Variants in BCAS3 observed in about 807,000 individuals in gnomAD.
BCAS3 encodes the protein BCAS4/BCAS3 fusion.
In BCAS3, 53 loss-of-function variants were observed where a neutral mutation model predicts 116.1. That is an observed-to-expected ratio of 0.46 (90% CI 0.37 to 0.57). The LOEUF (loss-of-function observed/expected upper bound fraction) is 0.57, where lower values mean the gene tolerates loss of function less well. Ranked by LOEUF, BCAS3 falls within the 20% of genes least tolerant of loss-of-function variation. The pLI, the probability that BCAS3 is intolerant of heterozygous loss-of-function variation, is 0.00. For missense variants in BCAS3, 917 were observed against 1,165.4 expected (o/e 0.79, Z 3.10); for synonymous variants, 391 against 408.2 (o/e 0.96, Z 0.51).
intron 14 of BCAS3, among the ~76,000 whole-genome samples, chr17:60,983,453 G>A (rs181185986): frequency 6.6e-6 from 1 of 152,008 alleles, no homozygotes; most frequent in East Asian, 1.9e-4. Context: ...GTTATTTAAA[G>A]GATTAAACTT....
intron 2 of BCAS3, among the ~76,000 whole-genome samples, chr17:60,680,777 A>C (rs1030343734): frequency 4.6e-5 from 7 of 151,922 alleles, no homozygotes; most frequent in African/African-American, 9.7e-5. Context: ...CCTCCCAAGT[A>C]GCTGGGATTA....
At chr17:61,201,500 A>G (rs1403461462) in intron 22 of BCAS3, among the ~76,000 whole-genome samples, 2 of 152,208 alleles carry the variant, frequency 1.3e-5, no homozygotes, top group East Asian at 3.8e-4. Flanking sequence ...AGTCATGTTC[A>G]TTTATTTTGG....
rs913382629 is a variant in BCAS3 at position 61,366,213 on chromosome 17, C to T, written c.2426-2114C>T. On this transcript the variant is annotated intron_variant, in intron 22 of 23. Coordinates refer to ENST00000407086, the MANE Select transcript of BCAS3 (RefSeq NM_017679.5). This position sits in a 1 kb window ranked among gnomAD's most constrained non-coding sequence, Gnocchi z 4.5. ...TTTTCTTGTTATCATTAAGTCCTTG[C>T]GTCGCATGCAGACCCTTCAGAGAAA... Among the ~76,000 whole-genome samples the T allele has an allele frequency of 2.6e-5, 4 of 151,774 alleles. No homozygotes were observed. Among genetic ancestry groups the T allele is most frequent in the Non-Finnish European group, 5.9e-5 (4 of 67,988 alleles).
At position 61,343,489 on chromosome 17, in the gene BCAS3, C is replaced by T. The variant is rs2057318509; in HGVS notation, c.2426-24838C>T. Among the ~76,000 whole-genome samples, 1 of 152,228 alleles carries T rather than the reference C, an allele frequency of 6.6e-6. No individual in the cohort carries two copies. Among genetic ancestry groups the T allele is most frequent in the Non-Finnish European group, 1.5e-5 (1 of 68,040 alleles). ...AAGATACAGATGCCCAGGCCCCAAA[C>T]TTTTGCCCCAGAAGTTCTGACTCTA... On this transcript the variant is annotated intron_variant, in intron 22 of 23. Transcript: ENST00000407086. The surrounding 1 kb of genome is among the most constrained non-coding windows in gnomAD (Gnocchi z 5.5).
chr17:60,679,440 G>T lies in BCAS3; in HGVS notation c.-5-13G>T. The T allele has an allele frequency of 6.3e-7, 1 of 1,595,902 alleles. No individual in the cohort carries two copies. The highest frequency in any genetic ancestry group is 8.6e-7 in the Non-Finnish European group (1 of 1,164,460). On this transcript the variant is annotated splice_polypyrimidine_tract_variant and intron_variant, in intron 1 of 23. Coordinates refer to ENST00000407086, the MANE Select transcript of BCAS3 (RefSeq NM_017679.5). ...TTTTCTGTTTTTTGTTTGTTTGTTT[G>T]TTCTGGAAACAGGTTTTATGAATGA... is the stretch of plus-strand genomic sequence containing the variant.
chr17:61,359,358 T>G (rs1335025590), intron 22 of BCAS3, among the ~76,000 whole-genome samples: 1 of 152,064 alleles, frequency 6.6e-6, no homozygotes, highest in African/African-American at 2.4e-5. Context: ...GATTCATGAA[T>G]CTGGGCAGCC....
rs201276217 is a variant in BCAS3 at position 61,386,796 on chromosome 17, G to T, written c.2594-5181G>T. ...CTGTTTTTTTTTGTTTTTGTTTTTT[G>T]TTTTTTTTTTTTTTTTTGAGATGCC... On this transcript the variant is annotated intron_variant, in intron 23 of 23. Coordinates refer to ENST00000407086, the MANE Select transcript of BCAS3 (RefSeq NM_017679.5). 1.7e-3 allele frequency among the ~76,000 whole-genome samples: 188 copies of T among 113,794 alleles called. 3 individuals carry two copies. Among genetic ancestry groups the T allele is most frequent in the Middle Eastern group, 8.6e-3 (2 of 232 alleles). 74.7% of individuals were successfully genotyped at this position (113,794 alleles called of 152,430 possible).
intron 22 of BCAS3, among the ~76,000 whole-genome samples, chr17:61,092,763 T>G (rs1346819521): frequency 6.6e-6 from 1 of 152,202 alleles, no homozygotes; most frequent in Admixed American, 6.5e-5. Context: ...TTGTGAGATA[T>G]GTGCATTGCA....
intron 22 of BCAS3, among the ~76,000 whole-genome samples, chr17:61,277,063 G>C (rs2050817595): frequency 6.6e-6 from 1 of 151,896 alleles, no homozygotes; most frequent in South Asian, 2.1e-4. Flanking sequence ...AGGAGTTTGA[G>C]ACCAGCCTGG....
At chr17:61,072,641 A>T (rs2143437845) in intron 19 of BCAS3, among the ~76,000 whole-genome samples, 1 of 151,338 alleles carries the variant, frequency 6.6e-6, no homozygotes, top group East Asian at 1.9e-4. Flanking sequence ...AAAAATTGCT[A>T]ATTGCTTTCC....
chr17:60,979,924 C>G (rs1304753117), intron 14 of BCAS3, among the ~76,000 whole-genome samples: 1 of 151,846 alleles, frequency 6.6e-6, no homozygotes, highest in Non-Finnish European at 1.5e-5. Context: ...ATTTTTGCAT[C>G]AATGTTCATC....
intron 22 of BCAS3, among the ~76,000 whole-genome samples, chr17:61,255,081 G>A (rs897708209): frequency 6.6e-6 from 1 of 152,130 alleles, no homozygotes; most frequent in Non-Finnish European, 1.5e-5. Flanking sequence ...AAGGCACTAA[G>A]GCAGATTTTC....
intron 22 of BCAS3, among the ~76,000 whole-genome samples, chr17:61,322,794 CAGAGAGAGAGAGAGAGAGAG>C (rs35581770): frequency 3.0e-5 from 3 of 99,634 alleles, no homozygotes; most frequent in Admixed American, 2.3e-4. Flanking sequence ...GAGAGAGAGA[CAGAGAGAGAGAGAGAGAGAG>C]AGAGAGAGAG....
At chr17:60,769,425 T>A (rs1387413182) in intron 6 of BCAS3, among the ~76,000 whole-genome samples, 1 of 152,166 alleles carries the variant, frequency 6.6e-6, no homozygotes, top group Non-Finnish European at 1.5e-5. Flanking sequence ...GTGGGCTTTG[T>A]CTTTGAAGCA....
Position 60,964,239 on chromosome 17 carries a change from T to A in BCAS3, c.1221+16887T>A, listed in dbSNP as rs977622040. On this transcript the variant is annotated intron_variant, in intron 14 of 23. Transcript: ENST00000407086. This position sits in a 1 kb window ranked among gnomAD's most constrained non-coding sequence, Gnocchi z 4.6. ...TACCCATTTTGATTAGGGGTTTTTT[T>A]ATATCATAAAGGATGTTGAATTTTA... Among the ~76,000 whole-genome samples, 13 of 152,352 alleles carry A rather than the reference T, an allele frequency of 8.5e-5. No individual in the cohort carries two copies. The highest frequency in any genetic ancestry group is 2.6e-4 in the Admixed American group (4 of 15,304).
chr17:61,127,928 G>C (rs981216922), intron 22 of BCAS3, among the ~76,000 whole-genome samples: 1 of 151,876 alleles, frequency 6.6e-6, no homozygotes, highest in East Asian at 1.9e-4. Flanking sequence ...GTACATACTT[G>C]AAATTAACAT....
intron 2 of BCAS3, 147 bp from the exon 3 acceptor site, chr17:60,683,830 TCAAAA>T (rs199683646): frequency 2.3e-4 from 160 of 700,816 alleles, no homozygotes; most frequent in African/African-American, 1.8e-3. Context: ...AAACCTTGTC[TCAAAA>T]CAAAACAAAA....
Position 60,989,980 on chromosome 17 carries a change from A to G in BCAS3, c.1231A>G (p.Ile411Val). 1 of 1,614,142 alleles carries G rather than the reference A, an allele frequency of 6.2e-7. No individual in the cohort carries two copies. Residue 411 changes from isoleucine to valine, a missense_variant, in exon 15 of 24, where the codon ATC becomes GTC. Ile to Val is a conservative substitution (Grantham distance 29). This residue lies in a region of BCAS3 where 807 missense variants were observed against 1,026.0 expected (regional missense o/e 0.79). Coordinates refer to ENST00000407086, the MANE Select transcript of BCAS3 (RefSeq NM_017679.5). ...RGETEAKVQD[I>V]CFSHDCRWVV... is the part of the protein sequence containing the mutation. The stretch of plus-strand genomic sequence containing the variant: ...CTTATCTCATTTCTAGGTACAGGAC[A>G]TCTGCTTCAGCCATGACTGTCGCTG...
chr17:60,724,155 G>A (rs1172559699), intron 5 of BCAS3, among the ~76,000 whole-genome samples: 3 of 151,582 alleles, frequency 2.0e-5, no homozygotes, highest in Admixed American at 1.3e-4. Context: ...TGGGTGTGGT[G>A]GCTCATGACT....
Sources: gnomAD v4.1 joint callset for allele counts (sites outside exome capture counted in the v4.1 genomes callset) on GRCh38, gnomAD v4.1.1 for gene constraint, gnomAD v4.1.1 regional missense constraint, Gnocchi (gnomAD v3.1) non-coding constraint, MANE v1.5 for transcripts, NCBI Gene and HGNC (gene_info 2026-07-23, HGNC 2026-07-21) for gene names.